Variants in ZBTB7C observed in about 807,000 individuals in gnomAD.
ZBTB7C encodes the protein zinc finger and BTB domain containing 7C, also known as zinc finger and BTB domain-containing protein 7C.
In ZBTB7C, 8 loss-of-function variants were observed where a neutral mutation model predicts 25.7. That is an observed-to-expected ratio of 0.31 (90% CI 0.18 to 0.56). ZBTB7C has a LOEUF of 0.56. Ranked by LOEUF, ZBTB7C falls within the 20% of genes least tolerant of loss-of-function variation. The pLI is 0.91. For missense variants in ZBTB7C, 824 were observed against 855.2 expected (o/e 0.96, Z 0.46); for synonymous variants, 394 against 369.0 (o/e 1.07, Z -0.78).
At chr18:48,085,932 C>T (rs971352613) in intron 3 of ZBTB7C, among the ~76,000 whole-genome samples, 1 of 152,190 alleles carries the variant, frequency 6.6e-6, no homozygotes, top group Non-Finnish European at 1.5e-5. Flanking sequence ...CCTGCCTGAC[C>T]ATGCCTAGGC....
chr18:48,273,405 A>C (rs2044548325), intron 2 of ZBTB7C, among the ~76,000 whole-genome samples: 1 of 152,062 alleles, frequency 6.6e-6, no homozygotes, highest in Non-Finnish European at 1.5e-5. Context: ...GATAAACATA[A>C]ACTTGGTATA....
At chr18:48,355,582 C>T (rs1212153554) in intron 1 of ZBTB7C, among the ~76,000 whole-genome samples, 1 of 152,346 alleles carries the variant, frequency 6.6e-6, no homozygotes, top group East Asian at 1.9e-4. Context: ...CCAGCCTGCA[C>T]ACTAGCCCAG....
chr18:48,053,581 T>C (rs1486390159), intron 3 of ZBTB7C, among the ~76,000 whole-genome samples: 1 of 152,202 alleles, frequency 6.6e-6, no homozygotes, highest in Non-Finnish European at 1.5e-5. Flanking sequence ...ACTGTCATCA[T>C]TATCACCCCA....
chr18:48,174,779 G>A (rs2145052341), intron 3 of ZBTB7C, among the ~76,000 whole-genome samples: 1 of 152,318 alleles, frequency 6.6e-6, no homozygotes, highest in Non-Finnish European at 1.5e-5. Context: ...AAAGTAAAAT[G>A]TAAATACATC....
chr18:48,235,574 C>T (rs907575360), intron 2 of ZBTB7C, among the ~76,000 whole-genome samples: 1 of 152,146 alleles, frequency 6.6e-6, no homozygotes, highest in Admixed American at 6.5e-5. Flanking sequence ...TTCTCCATTG[C>T]ATCTTAGATC....
upstream of ZBTB7C, among the ~76,000 whole-genome samples, chr18:48,409,692 G>C (rs536280063): frequency 6.6e-6 from 1 of 152,088 alleles, no homozygotes; most frequent in Non-Finnish European, 1.5e-5. Flanking sequence ...GGGGCGCCCG[G>C]GACTGGCGGA....
chr18:48,327,432 C>T (rs1301575867), intron 2 of ZBTB7C, among the ~76,000 whole-genome samples: 2 of 152,232 alleles, frequency 1.3e-5, no homozygotes, highest in African/African-American at 4.8e-5. Context: ...GAGCACAAGG[C>T]TGTGAGTCAG....
chr18:48,247,343 C>A (rs2043723367), intron 2 of ZBTB7C, among the ~76,000 whole-genome samples: 1 of 152,006 alleles, frequency 6.6e-6, no homozygotes, highest in Admixed American at 6.6e-5. Context: ...TAAAGACACC[C>A]CAATGGAAAT....
chr18:48,206,891 C>G (rs571364273), intron 2 of ZBTB7C, among the ~76,000 whole-genome samples: 16 of 152,258 alleles, frequency 1.1e-4, no homozygotes, highest in African/African-American at 3.9e-4. Flanking sequence ...TAAAACTTCT[C>G]TTCTTCAAAA....
At chr18:48,200,658 A>G (rs1156883597) in intron 2 of ZBTB7C, among the ~76,000 whole-genome samples, 1 of 152,166 alleles carries the variant, frequency 6.6e-6, no homozygotes, top group African/African-American at 2.4e-5. Flanking sequence ...TTGTATTGAG[A>G]GCTACCTCAG....
At chr18:48,282,942 A>C (rs1454047789) in intron 2 of ZBTB7C, among the ~76,000 whole-genome samples, 1 of 152,232 alleles carries the variant, frequency 6.6e-6, no homozygotes, top group East Asian at 1.9e-4. Context: ...TCATGAGTAT[A>C]TTCAATGTGT....
intron 3 of ZBTB7C, among the ~76,000 whole-genome samples, chr18:48,067,876 C>G (rs1040940035): frequency 6.6e-6 from 1 of 152,156 alleles, no homozygotes; most frequent in Admixed American, 6.5e-5. Flanking sequence ...TGGCGCATGC[C>G]TGTAATCCCA....
intron 2 of ZBTB7C, among the ~76,000 whole-genome samples, chr18:48,217,233 G>A (rs1451186688): frequency 1.3e-5 from 2 of 152,294 alleles, no homozygotes; most frequent in Admixed American, 1.3e-4. Flanking sequence ...ACGGCAGCCT[G>A]AGCAAACGAA....
intron 2 of ZBTB7C, among the ~76,000 whole-genome samples, chr18:48,320,080 A>G (rs956771086): frequency 6.6e-6 from 1 of 152,136 alleles, no homozygotes; most frequent in Non-Finnish European, 1.5e-5. Flanking sequence ...AGGAAGATTC[A>G]GGAGACAGGA....
intron 3 of ZBTB7C, among the ~76,000 whole-genome samples, chr18:48,095,347 A>G (rs563057955): frequency 1.3e-5 from 2 of 152,220 alleles, no homozygotes; most frequent in African/African-American, 2.4e-5. Flanking sequence ...AGAGCAAGAA[A>G]GAACAAGCTG....
chr18:48,108,673 C>G (rs1476300394), intron 3 of ZBTB7C, among the ~76,000 whole-genome samples: 1 of 152,004 alleles, frequency 6.6e-6, no homozygotes, highest in Non-Finnish European at 1.5e-5. Context: ...TGGCTTCAAG[C>G]GATCCTCCCA....
At chr18:48,348,908 A>C (rs77965845) in intron 1 of ZBTB7C, among the ~76,000 whole-genome samples, 1 of 152,328 alleles carries the variant, frequency 6.6e-6, no homozygotes, top group South Asian at 2.1e-4. Flanking sequence ...CCGGTTTCCA[A>C]GAGTTCCTGA....
intron 2 of ZBTB7C, among the ~76,000 whole-genome samples, chr18:48,235,815 T>C (rs2043364710): frequency 6.6e-6 from 1 of 152,226 alleles, no homozygotes; most frequent in Non-Finnish European, 1.5e-5. Flanking sequence ...AGTTTTGTTG[T>C]CCTTTGTAGG....
chr18:48,234,267 T>C (rs2043323534), intron 2 of ZBTB7C, among the ~76,000 whole-genome samples: 1 of 152,222 alleles, frequency 6.6e-6, no homozygotes, highest in African/African-American at 2.4e-5. Flanking sequence ...TAGTAAGATG[T>C]TTTATAATAT....
Sources: gnomAD v4.1 joint callset for allele counts (sites outside exome capture counted in the v4.1 genomes callset) on GRCh38, gnomAD v4.1.1 for gene constraint, MANE v1.5 for transcripts, NCBI Gene and HGNC (gene_info 2026-07-23, HGNC 2026-07-21) for gene names.